The following PPP4R4 variants were observed in gnomAD, a reference collection of about 807,000 sequenced individuals.
PPP4R4 encodes the protein protein phosphatase 4 regulatory subunit 4.
In PPP4R4, 70 loss-of-function variants were observed where a neutral mutation model predicts 121.8. The observed-to-expected ratio is 0.57, with a 90% CI of 0.47 to 0.70. The LOEUF (loss-of-function observed/expected upper bound fraction) is 0.70. PPP4R4 is among the 30% of genes least tolerant of loss of function. The pLI, the probability that PPP4R4 is intolerant of heterozygous loss-of-function variation, is 0.00. For synonymous variants in PPP4R4, 348 were observed against 355.7 expected, an observed-to-expected ratio of 0.98 and a Z score of 0.24; for missense variants, 875 against 1,033.6, an observed-to-expected ratio of 0.85 and a Z score of 2.10.
chr14:94,218,431 C>T (rs1425560148), intron 3 of PPP4R4, among the ~76,000 whole-genome samples: 7 of 137,570 alleles, frequency 5.1e-5, no homozygotes, highest in African/African-American at 1.6e-4. Flanking sequence ...CGCACGCGCG[C>T]GCACACACAC....
intron 2 of PPP4R4, among the ~76,000 whole-genome samples, chr14:94,204,840 T>C (rs1228191645): frequency 6.6e-6 from 1 of 152,204 alleles, no homozygotes; most frequent in Non-Finnish European, 1.5e-5. Context: ...AATTTCAGTG[T>C]TCATGTGTTG....
chr14:94,263,616 T>C (rs529676006), intron 19 of PPP4R4, among the ~76,000 whole-genome samples: 1 of 152,238 alleles, frequency 6.6e-6, no homozygotes, highest in East Asian at 1.9e-4. Flanking sequence ...TAGGACCAAA[T>C]GACCTAGCCC....
intron 13 of PPP4R4, 113 bp from the exon 14 acceptor site, chr14:94,246,244 A>G (rs531829979): frequency 1.2e-6 from 1 of 866,380 alleles, no homozygotes; most frequent in South Asian, 2.1e-5. Flanking sequence ...GATGTCTCCT[A>G]AACTCTGAAA....
chr14:94,239,406 T>A (rs1361788111), intron 8 of PPP4R4, among the ~76,000 whole-genome samples: 8 of 136,094 alleles, frequency 5.9e-5, no homozygotes, highest in Admixed American at 1.7e-4. Context: ...TGTCCAAGTG[T>A]TCTCATTGTT....
At chr14:94,256,437 G>C (rs375602825) in intron 16 of PPP4R4, 23 bp from the exon 17 acceptor site, 78 of 1,540,150 alleles carry the variant, frequency 5.1e-5, no homozygotes, top group Non-Finnish European at 6.3e-5. Flanking sequence ...CTTCACTCAA[G>C]AGTAAATACT....
chr14:94,208,582 A>G lies in PPP4R4; in HGVS notation c.294+16A>G, dbSNP rs1328754493. ...AAAAGTCAGAGTAAGTTGGTATGAAATAAGATTGGAGTTTCCCATTTTTTC... is the reference window on the plus strand; with the variant it reads ...AAAAGTCAGAGTAAGTTGGTATGAAGTAAGATTGGAGTTTCCCATTTTTTC... On this transcript the variant is annotated intron_variant, in intron 3 of 24. Coordinates refer to ENST00000304338, the MANE Select transcript of PPP4R4 (RefSeq NM_058237.2). 1.3e-6 allele frequency: 2 copies of G among 1,579,610 alleles called. No individual in the cohort carries two copies. Among genetic ancestry groups the G allele is most frequent in the Non-Finnish European group, 1.7e-6 (2 of 1,151,182 alleles).
intron 2 of PPP4R4, among the ~76,000 whole-genome samples, chr14:94,183,017 A>G (rs1057114275): frequency 2.6e-5 from 4 of 151,966 alleles, no homozygotes; most frequent in African/African-American, 9.7e-5. Flanking sequence ...TTCTCTGTGC[A>G]TGACTTACAC....
chr14:94,193,333 T>A (rs560615131), intron 2 of PPP4R4, among the ~76,000 whole-genome samples: 1 of 152,266 alleles, frequency 6.6e-6, no homozygotes, highest in African/African-American at 2.4e-5. Flanking sequence ...GTGGTTGGTA[T>A]GAGTTTTGGA....
At chr14:94,244,370 T>C (rs759759720) in intron 11 of PPP4R4, among the ~76,000 whole-genome samples, 38 of 152,290 alleles carry the variant, frequency 2.5e-4, no homozygotes, top group Admixed American at 2.1e-3. Flanking sequence ...TTGCTGTTGA[T>C]GTGAAAGTAA....
intron 10 of PPP4R4, 58 bp from the exon 11 acceptor site, chr14:94,242,231 G>C (rs956939359): frequency 2.6e-6 from 4 of 1,543,838 alleles, no homozygotes; most frequent in Non-Finnish European, 3.6e-6. Flanking sequence ...ATAATATTAG[G>C]TATTGATGCA....
chr14:94,217,645 C>T (rs570110932), intron 3 of PPP4R4, among the ~76,000 whole-genome samples: 1 of 152,194 alleles, frequency 6.6e-6, no homozygotes, highest in South Asian at 2.1e-4. Context: ...AAACAACATG[C>T]CTGGATGTAT....
chr14:94,246,982 A>G (rs996904941), intron 14 of PPP4R4, among the ~76,000 whole-genome samples: 3 of 152,130 alleles, frequency 2.0e-5, no homozygotes, highest in Non-Finnish European at 4.4e-5. Context: ...TAAGCTTCCT[A>G]CTATAAGTTT....
intron 23 of PPP4R4, among the ~76,000 whole-genome samples, chr14:94,268,028 T>C (rs1186327305): frequency 6.6e-6 from 1 of 152,174 alleles, no homozygotes; most frequent in Non-Finnish European, 1.5e-5. Context: ...AAGAAATAAT[T>C]TGATAACAGA....
Position 94,203,476 on chromosome 14 carries a change from C to CT in PPP4R4, c.192-4980dup, listed in dbSNP as rs987035922. Among the ~76,000 whole-genome samples, 8 of 150,694 alleles carry CT rather than the reference C, an allele frequency of 5.3e-5. No individual in the cohort carries two copies. In the South Asian group the frequency reaches 6.3e-4, roughly 12 times the overall value. On this transcript the variant is annotated intron_variant, in intron 2 of 24. Coordinates refer to ENST00000304338, the MANE Select transcript of PPP4R4 (RefSeq NM_058237.2). ...TAAGGACATATCATTGTTTTCATATCTTTTTTTTGTTGTTGTTTTGTTCAA... is the reference window on the plus strand; with the variant it reads ...TAAGGACATATCATTGTTTTCATATCTTTTTTTTTGTTGTTGTTTTGTTCAA...
intron 3 of PPP4R4, among the ~76,000 whole-genome samples, chr14:94,222,609 G>T (rs1393605776): frequency 6.8e-6 from 1 of 147,116 alleles, no homozygotes; most frequent in Non-Finnish European, 1.5e-5. Context: ...ACACCTTTTA[G>T]TATTCAGTAC....
At chr14:94,247,566 A>G (rs1892963007) in intron 14 of PPP4R4, among the ~76,000 whole-genome samples, 1 of 152,218 alleles carries the variant, frequency 6.6e-6, no homozygotes, top group Non-Finnish European at 1.5e-5. Flanking sequence ...CTCATTCTAC[A>G]AAGCCACCAT....
At chr14:94,217,456 A>G (rs892779547) in intron 3 of PPP4R4, among the ~76,000 whole-genome samples, 1 of 152,208 alleles carries the variant, frequency 6.6e-6, no homozygotes, top group African/African-American at 2.4e-5. Flanking sequence ...TGCCCCTATC[A>G]TCACTGAATA....
intron 11 of PPP4R4, 130 bp downstream of exon 11, chr14:94,242,538 T>C (rs1215848204): frequency 3.2e-6 from 3 of 946,626 alleles, no homozygotes; most frequent in East Asian, 5.5e-5. Flanking sequence ...TTAAATCTTG[T>C]TTAAAAATTT....
intron 3 of PPP4R4, among the ~76,000 whole-genome samples, chr14:94,228,962 A>T (rs1470279985): frequency 6.6e-6 from 1 of 152,148 alleles, no homozygotes; most frequent in Non-Finnish European, 1.5e-5. Context: ...GTGGTATTTG[A>T]GTAGAGGCTT....
Sources: gnomAD v4.1 joint callset for allele counts (sites outside exome capture counted in the v4.1 genomes callset) on GRCh38, gnomAD v4.1.1 for gene constraint, MANE v1.5 for transcripts, NCBI Gene and HGNC (gene_info 2026-07-23, HGNC 2026-07-21) for gene names.